EFNA5: variants seen among roughly 807,000 people sequenced by gnomAD.
The protein encoded by EFNA5 is ephrin-A5.
In EFNA5, 5 loss-of-function variants were observed where a neutral mutation model predicts 22.9. That is an observed-to-expected ratio of 0.22 (90% CI 0.11 to 0.46). The LOEUF is 0.46. Among genes scored for constraint, EFNA5 ranks in the 20% least tolerant of loss-of-function variants. The pLI is 0.99. For missense variants in EFNA5, 237 were observed against 293.3 expected, an observed-to-expected ratio of 0.81 and a Z score of 1.40; for synonymous variants, 113 against 112.2, an observed-to-expected ratio of 1.01 and a Z score of -0.04.
intron 1 of EFNA5, among the ~76,000 whole-genome samples, chr5:107,498,167 C>T (rs897443903): frequency 1.3e-5 from 2 of 152,184 alleles, no homozygotes; most frequent in African/African-American, 2.4e-5. Context: ...CCGCCTTTCT[C>T]GGCCTCCCAA....
chr5:107,591,941 TATTATATATAATATATAA>T lies in EFNA5; in HGVS notation c.125+78530_125+78547del, dbSNP rs1749352698. Among the ~76,000 whole-genome samples, 24 of 21,080 alleles carry T rather than the reference TATTATATATAATATATAA, an allele frequency of 1.1e-3. 1 individual carries two copies. Among genetic ancestry groups the T allele is most frequent in the South Asian group, 4.3e-3 (4 of 928 alleles). The allele number at this position is 21,080 out of a possible 152,430, so 13.8% of individuals were successfully genotyped here. A position where few individuals can be genotyped will look rare whatever the true frequency, so the allele number is the denominator to read the frequency against. ...ATATATATATAATATATAATATATA[TATTATATATAATATATAA>T]TATATATAATATATATAATATATAA... On this transcript the variant is annotated intron_variant, in intron 1 of 4. Transcript: ENST00000333274.
At chr5:107,645,790 T>C (rs2112548476) in intron 1 of EFNA5, among the ~76,000 whole-genome samples, 1 of 152,358 alleles carries the variant, frequency 6.6e-6, no homozygotes, top group African/African-American at 2.4e-5. Flanking sequence ...TTCTAAACCT[T>C]GATCAAATTA....
intron 1 of EFNA5, among the ~76,000 whole-genome samples, chr5:107,514,737 T>TAA (rs1747440818): frequency 6.6e-6 from 1 of 152,064 alleles, no homozygotes; most frequent in Admixed American, 6.5e-5. Flanking sequence ...TCATTCAGAG[T>TAA]AAAAGCCCAA....
intron 1 of EFNA5, among the ~76,000 whole-genome samples, chr5:107,620,395 C>T (rs1750009713): frequency 6.6e-6 from 1 of 152,182 alleles, no homozygotes; most frequent in South Asian, 2.1e-4. Flanking sequence ...GAACGTTATA[C>T]ACAGAAAGTT....
intron 1 of EFNA5, among the ~76,000 whole-genome samples, chr5:107,624,453 G>A (rs1750103395): frequency 6.6e-6 from 1 of 152,114 alleles, no homozygotes; most frequent in Admixed American, 6.5e-5. Flanking sequence ...TTACTATAAA[G>A]TAGATCACTT....
chr5:107,410,130 C>G (rs1481087468), intron 2 of EFNA5, among the ~76,000 whole-genome samples: 1 of 149,352 alleles, frequency 6.7e-6, no homozygotes, highest in Non-Finnish European at 1.5e-5. Flanking sequence ...CGGGTTCACA[C>G]CATTCTCCTG....
intron 1 of EFNA5, among the ~76,000 whole-genome samples, chr5:107,669,982 G>C (rs1408134172): frequency 3.4e-5 from 5 of 149,216 alleles, no homozygotes; most frequent in Non-Finnish European, 7.4e-5. Flanking sequence ...CCCCCAGCCC[G>C]TGCGCTCTCT....
At chr5:107,406,292 T>C (rs1237428662) in intron 2 of EFNA5, among the ~76,000 whole-genome samples, 1 of 151,966 alleles carries the variant, frequency 6.6e-6, no homozygotes, top group Non-Finnish European at 1.5e-5. Context: ...GGCAAAAAAC[T>C]GCAATTACAT....
At chr5:107,540,960 AGCCGGGCATGGTGGCGTGG>A (rs1408134855) in intron 1 of EFNA5, among the ~76,000 whole-genome samples, 2 of 152,160 alleles carry the variant, frequency 1.3e-5, no homozygotes, top group East Asian at 3.9e-4. Context: ...TACAAAAATT[AGCCGGGCATGGTGGCGTGG>A]GCCTGTAATC....
intron 1 of EFNA5, among the ~76,000 whole-genome samples, chr5:107,653,643 G>A (rs376115809): frequency 1.1e-4 from 17 of 152,170 alleles, no homozygotes; most frequent in African/African-American, 3.6e-4. Context: ...GGGGTATGGA[G>A]ATAAATAGAT....
At chr5:107,623,976 G>A (rs867463573) in intron 1 of EFNA5, among the ~76,000 whole-genome samples, 11 of 152,114 alleles carry the variant, frequency 7.2e-5, no homozygotes, top group African/African-American at 2.6e-4. Context: ...ATACACAAGT[G>A]GGGGAGTCGC....
intron 2 of EFNA5, among the ~76,000 whole-genome samples, chr5:107,403,909 T>G (rs190214399): frequency 6.6e-6 from 1 of 152,194 alleles, no homozygotes; most frequent in Non-Finnish European, 1.5e-5. Flanking sequence ...CAATCAAGCA[T>G]GAGCATAAAG....
At chr5:107,389,535 C>T (rs1747729617) in intron 2 of EFNA5, among the ~76,000 whole-genome samples, 1 of 152,188 alleles carries the variant, frequency 6.6e-6, no homozygotes, top group Non-Finnish European at 1.5e-5. Flanking sequence ...GCTACATGCA[C>T]ATAACTGACT....
At chr5:107,453,427 A>G (rs1287825991) in intron 1 of EFNA5, among the ~76,000 whole-genome samples, 1 of 152,214 alleles carries the variant, frequency 6.6e-6, no homozygotes, top group African/African-American at 2.4e-5. Flanking sequence ...TGATTTAAGT[A>G]TAGCTTAAAA....
chr5:107,595,236 CTAAT>C (rs1361031234), intron 1 of EFNA5, among the ~76,000 whole-genome samples: 4 of 151,834 alleles, frequency 2.6e-5, no homozygotes, highest in Non-Finnish European at 1.5e-5. Flanking sequence ...CAGATGGAAC[CTAAT>C]TAATAGTGAA....
intron 2 of EFNA5, among the ~76,000 whole-genome samples, chr5:107,419,422 A>G (rs1362029029): frequency 2.0e-5 from 3 of 152,224 alleles, no homozygotes; most frequent in African/African-American, 7.2e-5. Context: ...CTATTTTCAA[A>G]TAGAGACCCG....
chr5:107,569,570 TA>T (rs1269930466), intron 1 of EFNA5, among the ~76,000 whole-genome samples: 13 of 22,090 alleles, frequency 5.9e-4, no homozygotes, highest in African/African-American at 1.1e-3. Flanking sequence ...TATATATATA[TA>T]TATATATATA....
chr5:107,632,945 T>C (rs1750289707), intron 1 of EFNA5, among the ~76,000 whole-genome samples: 1 of 152,226 alleles, frequency 6.6e-6, no homozygotes, highest in Non-Finnish European at 1.5e-5. Context: ...TTCAGTATTT[T>C]ACTTTTCTTT....
At chr5:107,522,549 C>T (rs540032021) in intron 1 of EFNA5, among the ~76,000 whole-genome samples, 60 of 152,204 alleles carry the variant, frequency 3.9e-4, no homozygotes, top group Non-Finnish European at 6.8e-4. Flanking sequence ...TAGGCACGTG[C>T]CACCACATGC....
Sources: allele counts gnomAD v4.1 joint callset (sites outside exome capture counted in the v4.1 genomes callset), GRCh38; gene constraint gnomAD v4.1.1; transcripts MANE v1.5; gene names NCBI Gene and HGNC (gene_info 2026-07-23, HGNC 2026-07-21).